Variants in EIF4G3 observed in about 807,000 individuals in gnomAD.
The protein encoded by EIF4G3 is eIF-4-gamma 3.
A neutral mutation model predicts 186.4 loss-of-function variants in EIF4G3; 34 were observed. The observed-to-expected ratio is 0.18, with a 90% CI of 0.14 to 0.24. EIF4G3 has a LOEUF of 0.24. EIF4G3 is among the 10% of genes least tolerant of loss of function. The pLI is 1.00. For missense variants in EIF4G3, 1,536 were observed against 1,948.5 expected (o/e 0.79, Z 3.99); for synonymous variants, 673 against 679.5 (o/e 0.99, Z 0.15).
intron 7 of EIF4G3, among the ~76,000 whole-genome samples, chr1:20,986,333 C>T (rs2079453405): frequency 6.6e-6 from 1 of 152,178 alleles, no homozygotes; most frequent in African/African-American, 2.4e-5. Context: ...TACTGACACT[C>T]ATTTAAAGCA....
At chr1:21,069,341 A>G (rs1300963245) in intron 3 of EIF4G3, among the ~76,000 whole-genome samples, 1 of 152,120 alleles carries the variant, frequency 6.6e-6, no homozygotes, top group East Asian at 1.9e-4. Flanking sequence ...TTATTTACAT[A>G]TTTTTGTTCT....
intron 2 of EIF4G3, among the ~76,000 whole-genome samples, chr1:21,104,865 A>C (rs2096586907): frequency 6.6e-6 from 1 of 152,132 alleles, no homozygotes; most frequent in Admixed American, 6.5e-5. Flanking sequence ...TACACCATGA[A>C]ATACTACACG....
chr1:21,035,706 TG>T (rs998447705), intron 4 of EIF4G3, among the ~76,000 whole-genome samples: 10 of 152,212 alleles, frequency 6.6e-5, no homozygotes, highest in African/African-American at 2.4e-4. Context: ...GGGCATCCCT[TG>T]GCACAAGTAA....
At chr1:21,146,054 C>A (rs1322096340) in intron 2 of EIF4G3, among the ~76,000 whole-genome samples, 1 of 152,056 alleles carries the variant, frequency 6.6e-6, no homozygotes, top group Non-Finnish European at 1.5e-5. Flanking sequence ...AAGATTGTGC[C>A]ACTACACTCC....
chr1:21,143,338 A>G (rs2097373575), intron 2 of EIF4G3, among the ~76,000 whole-genome samples: 2 of 151,886 alleles, frequency 1.3e-5, no homozygotes, highest in African/African-American at 4.8e-5. Context: ...AAGGAAAGGA[A>G]GAAGGAGAAG....
intron 20 of EIF4G3, among the ~76,000 whole-genome samples, chr1:20,878,087 A>G (rs1225480372): frequency 1.3e-5 from 2 of 152,102 alleles, no homozygotes; most frequent in Admixed American, 6.6e-5. Flanking sequence ...GGCTGGTCTC[A>G]AACTCCTGAT....
At position 20,904,889 on chromosome 1, in the gene EIF4G3, T is replaced by C; in HGVS notation, c.1746A>G (p.Glu582=). ...TRTTEEMLEA[E]LELKAEEELS... ...ACTTAAGAGATTTGCTTACCTCCAA[T>C]TCTGCCTCTAACATCTCTTCAGTGG... Residue 582 remains glutamate, a synonymous_variant, in exon 15 of 37, where the codon GAA becomes GAG. Coordinates refer to ENST00000602326, the MANE Select transcript of EIF4G3 (RefSeq NM_001391906.1). 1.2e-6 allele frequency: 2 copies of C among 1,613,444 alleles called. No homozygotes were observed. Among genetic ancestry groups the C allele is most frequent in the Non-Finnish European group, 1.7e-6 (2 of 1,179,460 alleles).
chr1:21,132,725 C>A (rs1461311225), intron 2 of EIF4G3, among the ~76,000 whole-genome samples: 1 of 152,082 alleles, frequency 6.6e-6, no homozygotes, highest in Admixed American at 6.6e-5. Context: ...CAGGCATGAG[C>A]TACCATGCCC....
In EIF4G3 at chr1:21,128,206, CA is replaced by C. The variant is rs11462443; in HGVS notation, c.-271-38994del. On this transcript the variant is annotated intron_variant, in intron 2 of 36. Coordinates refer to ENST00000602326, the MANE Select transcript of EIF4G3 (RefSeq NM_001391906.1). Reference sequence around the variant, plus strand: ...TGGGCGACAGAGCAAGACTCCGTCTCAAAAAAAAAAAAAAAGTTTCGGCTGG... The same window carrying C: ...TGGGCGACAGAGCAAGACTCCGTCTCAAAAAAAAAAAAAAGTTTCGGCTGG... Among the ~76,000 whole-genome samples, 747 of 106,960 alleles carry C rather than the reference CA, an allele frequency of 7.0e-3. 14 individuals are homozygous for C. Among genetic ancestry groups the C allele is most frequent in the Middle Eastern group, 6.8e-3 (1 of 146 alleles). The allele number at this position is 106,960 out of a possible 152,430, so 70.2% of individuals were successfully genotyped here. A position where few individuals can be genotyped will look rare whatever the true frequency, so the allele number is the denominator to read the frequency against.
chr1:20,829,041 T>C, intron 31 of EIF4G3, 106 bp downstream of exon 31: 1 of 1,228,738 alleles, frequency 8.1e-7, no homozygotes, highest in Middle Eastern at 2.0e-4. Context: ...CCTGCATTCA[T>C]GAGTCTCCAA....
At chr1:21,122,116 C>T (rs527537191) in intron 2 of EIF4G3, among the ~76,000 whole-genome samples, 2 of 152,290 alleles carry the variant, frequency 1.3e-5, no homozygotes, top group South Asian at 4.1e-4. Context: ...TCCTCTAATT[C>T]CCCCTCTGGA....
intron 4 of EIF4G3, among the ~76,000 whole-genome samples, chr1:21,034,565 C>A (rs1232860968): frequency 2.0e-5 from 3 of 152,204 alleles, no homozygotes; most frequent in African/African-American, 7.2e-5. Flanking sequence ...TAGTATGAGA[C>A]AATTTTGCCA....
intron 8 of EIF4G3, 106 bp downstream of exon 8, chr1:20,982,282 T>C (rs1008190641): frequency 3.8e-6 from 3 of 781,734 alleles, no homozygotes; most frequent in African/African-American, 3.7e-5. Flanking sequence ...AATATACCAA[T>C]AGTAAATTTC....
At chr1:20,898,041 C>T (rs1282762680) in intron 16 of EIF4G3, among the ~76,000 whole-genome samples, 1 of 152,078 alleles carries the variant, frequency 6.6e-6, no homozygotes, top group Non-Finnish European at 1.5e-5. Flanking sequence ...TGACCTGGTA[C>T]AAGCCTAGAT....
chr1:21,073,784 G>A (rs113088687), intron 3 of EIF4G3: 189 of 382,354 alleles, frequency 4.9e-4, no homozygotes, highest in African/African-American at 3.8e-3. Context: ...CTGAGTGCCT[G>A]TAGACAACGT....
chr1:21,160,448 C>A (rs1415021611), intron 2 of EIF4G3, among the ~76,000 whole-genome samples: 4 of 152,200 alleles, frequency 2.6e-5, no homozygotes, highest in Non-Finnish European at 4.4e-5. Context: ...AAGATTCTAA[C>A]ATTGTTTGCA....
Position 20,849,519 on chromosome 1 carries a change from T to C in EIF4G3, c.3784A>G (p.Ile1262Val). 6.5e-7 allele frequency: 1 copy of C among 1,533,316 alleles called. No homozygotes were observed. Among genetic ancestry groups the C allele is most frequent in the South Asian group, 1.3e-5 (1 of 75,740 alleles). 95.0% of individuals were successfully genotyped at this position (1,533,316 alleles called of 1,614,324 possible). Reference sequence around the variant, plus strand: ...TTGTCATGAGCTGACATTGCTGAAATTTCTGGTTTTGCTATTAGTGAGGCC... The same window carrying C: ...TTGTCATGAGCTGACATTGCTGAAACTTCTGGTTTTGCTATTAGTGAGGCC... ...NKTRESAKPE[I>V]SAMSAHDKAA... The change falls in exon 29 of 37, where the codon ATT (isoleucine) becomes GTT (valine). Residue 1262 changes from isoleucine (I) to valine (V), a missense_variant. By Grantham distance (29) the Ile-to-Val change is conservative. This residue lies in a region of EIF4G3 where 395 missense variants were observed against 498.9 expected (regional missense o/e 0.79). Coordinates refer to ENST00000602326, the MANE Select transcript of EIF4G3 (RefSeq NM_001391906.1).
At chr1:20,944,797 G>T (rs935694065) in intron 13 of EIF4G3, among the ~76,000 whole-genome samples, 41 of 152,018 alleles carry the variant, frequency 2.7e-4, no homozygotes, top group African/African-American at 8.4e-4. Flanking sequence ...CACTTTGGGA[G>T]GCCAAGGGGG....
chr1:21,061,363 T>C (rs1485078508), intron 3 of EIF4G3, among the ~76,000 whole-genome samples: 1 of 152,170 alleles, frequency 6.6e-6, no homozygotes, highest in African/African-American at 2.4e-5. Context: ...ATGTTCAACC[T>C]GTTATTACTG....
Sources: allele counts gnomAD v4.1 joint callset (sites outside exome capture counted in the v4.1 genomes callset), GRCh38; gene constraint gnomAD v4.1.1; regional missense constraint gnomAD v4.1.1; transcripts MANE v1.5; gene names NCBI Gene and HGNC (gene_info 2026-07-23, HGNC 2026-07-21).